The following CPA6 variants were observed in gnomAD, a reference collection of about 807,000 sequenced individuals.
CPA6 encodes the protein carboxypeptidase A6.
CPA6 carries 58 observed loss-of-function variants against 63.3 expected under a neutral mutation model. The observed-to-expected ratio is 0.92, with a 90% CI of 0.74 to 1.14. The LOEUF (loss-of-function observed/expected upper bound fraction) is 1.14. Among genes scored for constraint, CPA6 ranks in the 50% most tolerant of loss-of-function variants. The pLI, the probability that CPA6 is intolerant of heterozygous loss-of-function variation, is 0.00. For missense variants in CPA6, 565 were observed against 526.6 expected (o/e 1.07, Z -0.71); for synonymous variants, 185 against 179.0 (o/e 1.03, Z -0.27).
intron 8 of CPA6, among the ~76,000 whole-genome samples, chr8:67,463,401 G>A (rs973547678): frequency 9.2e-5 from 14 of 151,922 alleles, no homozygotes; most frequent in Admixed American, 3.9e-4. Context: ...CTGAGATTGC[G>A]CCACTGCACT....
At chr8:67,438,878 TTAAGTA>T (rs1267157372) in intron 8 of CPA6, among the ~76,000 whole-genome samples, 4 of 151,810 alleles carry the variant, frequency 2.6e-5, no homozygotes, top group African/African-American at 9.7e-5. Flanking sequence ...AAAAAAAAAC[TTAAGTA>T]TGAGTCTTAA....
intron 8 of CPA6, among the ~76,000 whole-genome samples, chr8:67,436,747 C>T (rs1810165013): frequency 6.6e-6 from 1 of 152,144 alleles, no homozygotes; most frequent in South Asian, 2.1e-4. Context: ...ATCACTGTAA[C>T]AATCACAAAG....
chr8:67,591,026 A>G (rs1217889115), intron 2 of CPA6, among the ~76,000 whole-genome samples: 3 of 151,566 alleles, frequency 2.0e-5, no homozygotes, highest in Admixed American at 1.3e-4. Context: ...TAGGTCTAAC[A>G]TTTAAGTCTT....
intron 1 of CPA6, among the ~76,000 whole-genome samples, chr8:67,657,850 T>G (rs1335403787): frequency 6.6e-6 from 1 of 152,148 alleles, no homozygotes; most frequent in Non-Finnish European, 1.5e-5. Flanking sequence ...GCCAGTGCAC[T>G]CTCCCTGCAG....
At chr8:67,527,320 A>G (rs1812384566) in intron 2 of CPA6, among the ~76,000 whole-genome samples, 1 of 152,208 alleles carries the variant, frequency 6.6e-6, no homozygotes, top group Non-Finnish European at 1.5e-5. Flanking sequence ...ATTACTTTAG[A>G]TTTTGTTATG....
chr8:67,506,118 C>T (rs1563979597), intron 6 of CPA6, among the ~76,000 whole-genome samples: 1 of 150,926 alleles, frequency 6.6e-6, no homozygotes, highest in Non-Finnish European at 1.5e-5. Context: ...AGTATCAGAA[C>T]ATACGAAAGT....
At chr8:67,698,191 C>T (rs185075206) in intron 1 of CPA6, among the ~76,000 whole-genome samples, 77 of 152,276 alleles carry the variant, frequency 5.1e-4, no homozygotes, top group Middle Eastern at 3.4e-3. Flanking sequence ...AATGAAGAGC[C>T]TTCCCTCTTA....
intron 2 of CPA6, 128 bp downstream of exon 2, chr8:67,624,048 C>G (rs1240882868): frequency 3.7e-6 from 2 of 546,492 alleles, no homozygotes. Context: ...AATAAAAGCT[C>G]TTTCAAGTTA....
chr8:67,619,356 A>G (rs2128986275), intron 2 of CPA6, among the ~76,000 whole-genome samples: 1 of 152,324 alleles, frequency 6.6e-6, no homozygotes, highest in East Asian at 1.9e-4. Context: ...ATACCTATTT[A>G]TCATCTCACA....
chr8:67,530,077 T>C lies in CPA6; in HGVS notation c.193-12030A>G, dbSNP rs185239861. Among the ~76,000 whole-genome samples, 93 of 152,254 alleles carry C rather than the reference T, an allele frequency of 6.1e-4. 1 individual carries two copies. Among genetic ancestry groups the C allele is most frequent in the African/African-American group, 2.2e-3 (91 of 41,554 alleles). On this transcript the variant is annotated intron_variant, in intron 2 of 10. Transcript: ENST00000297770. ...TGTTTCTCAGGTAAGAGAGGATATG[T>C]TCAAGAAACAAGAGCAGAATGCTTT...
At chr8:67,497,592 C>T (rs1048983618) in intron 6 of CPA6, among the ~76,000 whole-genome samples, 9 of 152,150 alleles carry the variant, frequency 5.9e-5, no homozygotes, top group African/African-American at 2.2e-4. Flanking sequence ...CTTGGGTACA[C>T]ACATAGGAGT....
intron 8 of CPA6, among the ~76,000 whole-genome samples, chr8:67,455,663 CAAAAAAAAAAAA>C (rs552041509): frequency 4.0e-4 from 12 of 30,252 alleles, no homozygotes; most frequent in South Asian, 2.3e-3. Context: ...TCTACAAAAG[CAAAAAAAAAAAA>C]AAAAAAAAAA....
At chr8:67,586,135 T>C (rs1193908161) in intron 2 of CPA6, among the ~76,000 whole-genome samples, 1 of 152,160 alleles carries the variant, frequency 6.6e-6, no homozygotes, top group Non-Finnish European at 1.5e-5. Context: ...AATTGGTTTG[T>C]TGTAGACAAA....
intron 1 of CPA6, among the ~76,000 whole-genome samples, chr8:67,640,726 T>A (rs1334853824): frequency 6.6e-6 from 1 of 151,370 alleles, no homozygotes; most frequent in Non-Finnish European, 1.5e-5. Context: ...CCCTTCAGCT[T>A]GTCCTGGGCT....
intron 2 of CPA6, among the ~76,000 whole-genome samples, chr8:67,550,600 T>C (rs1408544466): frequency 6.6e-6 from 1 of 152,228 alleles, no homozygotes; most frequent in Admixed American, 6.5e-5. Flanking sequence ...CTAAGTTCTC[T>C]GAGAAATCTC....
intron 1 of CPA6, among the ~76,000 whole-genome samples, chr8:67,688,605 AAC>A (rs1369392323): frequency 6.6e-6 from 1 of 152,132 alleles, no homozygotes; most frequent in Non-Finnish European, 1.5e-5. Context: ...TTGTGTCAAA[AAC>A]AACACTTTTG....
chr8:67,581,659 G>A (rs1052207302), intron 2 of CPA6, among the ~76,000 whole-genome samples: 1 of 152,190 alleles, frequency 6.6e-6, no homozygotes. Flanking sequence ...CACAAGAGAT[G>A]CTGTCTGTTC....
At chr8:67,675,093 T>G (rs1164886677) in intron 1 of CPA6, among the ~76,000 whole-genome samples, 1 of 152,174 alleles carries the variant, frequency 6.6e-6, no homozygotes, top group African/African-American at 2.4e-5. Context: ...ACCTGGGTGA[T>G]AGGATCCATA....
chr8:67,482,919 C>G (rs746241755), intron 8 of CPA6, among the ~76,000 whole-genome samples: 1 of 152,204 alleles, frequency 6.6e-6, no homozygotes, highest in Non-Finnish European at 1.5e-5. Flanking sequence ...TCAAAGCCCA[C>G]GCCCAGTTAT....
Sources: gnomAD v4.1 joint callset for allele counts (sites outside exome capture counted in the v4.1 genomes callset) on GRCh38, gnomAD v4.1.1 for gene constraint, MANE v1.5 for transcripts, NCBI Gene and HGNC (gene_info 2026-07-23, HGNC 2026-07-21) for gene names.